ETV1: variants seen among roughly 807,000 people sequenced by gnomAD.
ETV1 encodes ETS translocation variant 1.
In ETV1, 27 loss-of-function variants were observed where a neutral mutation model predicts 62.3. The ratio of observed to expected loss-of-function variants is 0.43; its 90% CI spans 0.32 to 0.60. The LOEUF (loss-of-function observed/expected upper bound fraction) is 0.60. Ranked by LOEUF, ETV1 falls within the 20% of genes least tolerant of loss-of-function variation. The pLI, the probability that ETV1 is intolerant of heterozygous loss-of-function variation, is 0.06. For synonymous variants in ETV1, 222 were observed against 199.6 expected, an observed-to-expected ratio of 1.11 and a Z score of -0.94; for missense variants, 605 against 605.8, an observed-to-expected ratio of 1.00 and a Z score of 0.01.
chr7:13,923,030 T>C lies in ETV1; in HGVS notation c.802+8472A>G, dbSNP rs75337408. Among the ~76,000 whole-genome samples the C allele has an allele frequency of 3.0e-4, 45 of 152,340 alleles. 1 individual carries two copies. The East Asian group carries it at 7.7e-3, about 26-fold the overall frequency. ...TGAGTAGTAGTAATAAATGCAATAG[T>C]AATAGTTTAGAAATAAATGACTGGG... On this transcript the variant is annotated intron_variant, in intron 9 of 13. Coordinates refer to ENST00000430479, the MANE Select transcript of ETV1 (RefSeq NM_004956.5).
At chr7:13,953,715 C>T (rs1388995722) in intron 6 of ETV1, among the ~76,000 whole-genome samples, 2 of 151,866 alleles carry the variant, frequency 1.3e-5, no homozygotes, top group South Asian at 4.2e-4. Context: ...TTCCTTCTAC[C>T]CTGCATCCCC....
chr7:13,961,890 T>G (rs535565912), intron 6 of ETV1, among the ~76,000 whole-genome samples: 4 of 152,140 alleles, frequency 2.6e-5, no homozygotes, highest in African/African-American at 4.8e-5. Context: ...AACTACTTAG[T>G]GTGATCAACA....
intron 5 of ETV1, among the ~76,000 whole-genome samples, chr7:13,985,865 T>C (rs1431179865): frequency 6.6e-6 from 1 of 152,174 alleles, no homozygotes; most frequent in Non-Finnish European, 1.5e-5. Context: ...CTCATTTTCC[T>C]ATAAAGTTGC....
intron 9 of ETV1, among the ~76,000 whole-genome samples, chr7:13,915,740 G>A (rs1784082612): frequency 6.6e-6 from 1 of 151,632 alleles, no homozygotes; most frequent in African/African-American, 2.4e-5. Context: ...TTCCTAGAAT[G>A]AATGATAATG....
At chr7:13,928,476 T>A (rs1785696015) in intron 9 of ETV1, among the ~76,000 whole-genome samples, 1 of 151,592 alleles carries the variant, frequency 6.6e-6, no homozygotes, top group African/African-American at 2.4e-5. Flanking sequence ...TAGCCGGGCA[T>A]GGTGGCGCAT....
chr7:13,902,854 A>T (rs895258643), intron 12 of ETV1, among the ~76,000 whole-genome samples: 1 of 152,218 alleles, frequency 6.6e-6, no homozygotes, highest in African/African-American at 2.4e-5. Flanking sequence ...TTTGATACTT[A>T]TCATGCCAGT....
At chr7:13,960,227 T>C (rs957061025) in intron 6 of ETV1, among the ~76,000 whole-genome samples, 11 of 152,288 alleles carry the variant, frequency 7.2e-5, no homozygotes, top group Admixed American at 5.9e-4. Context: ...ACCAACTCTT[T>C]CATGGCTAAA....
At chr7:13,915,410 T>C (rs1052622974) in intron 9 of ETV1, among the ~76,000 whole-genome samples, 2 of 152,198 alleles carry the variant, frequency 1.3e-5, no homozygotes, top group African/African-American at 2.4e-5. Flanking sequence ...ATGTAAAAAA[T>C]ACTGAGTTGT....
At chr7:13,986,358 G>T (rs1782550180) in intron 5 of ETV1, 3 of 1,488,396 alleles carry the variant, frequency 2.0e-6, no homozygotes, top group Non-Finnish European at 2.7e-6. Flanking sequence ...CTGAACAGAG[G>T]CTTAGAACTT....
intron 6 of ETV1, among the ~76,000 whole-genome samples, chr7:13,960,914 G>A (rs1359043775): frequency 6.6e-6 from 1 of 152,152 alleles, no homozygotes; most frequent in Non-Finnish European, 1.5e-5. Context: ...ACTTTGTGAG[G>A]AAGGATCACT....
chr7:13,917,288 G>GTATTTATTTATTTATT (rs71548060), intron 9 of ETV1, among the ~76,000 whole-genome samples: 2 of 145,180 alleles, frequency 1.4e-5, no homozygotes, highest in South Asian at 2.3e-4. Context: ...GTAACTTTGA[G>GTATTTATTTATTTATT]TATTTATTTA....
At chr7:13,981,532 C>CAT (rs536635563) in intron 5 of ETV1, among the ~76,000 whole-genome samples, 52 of 59,084 alleles carry the variant, frequency 8.8e-4, no homozygotes, top group African/African-American at 2.3e-3. Context: ...TACATACATA[C>CAT]ATATATATAT....
intron 9 of ETV1, among the ~76,000 whole-genome samples, chr7:13,916,723 G>C (rs1257924491): frequency 2.6e-5 from 4 of 152,124 alleles, no homozygotes; most frequent in Non-Finnish European, 4.4e-5. Context: ...GAGCCCAGGA[G>C]TTCAAGACCA....
chr7:13,917,348 G>A (rs369973912), intron 9 of ETV1, among the ~76,000 whole-genome samples: 18 of 149,340 alleles, frequency 1.2e-4, no homozygotes, highest in African/African-American at 2.7e-4. Context: ...ACGGAGTTTC[G>A]CTCTTGTTGC....
chr7:13,908,470 T>C (rs1034879084), intron 11 of ETV1, among the ~76,000 whole-genome samples: 2 of 152,154 alleles, frequency 1.3e-5, no homozygotes, highest in Non-Finnish European at 1.5e-5. Context: ...GAAAATGCTA[T>C]ATTTTAAGAA....
intron 5 of ETV1, 128 bp downstream of exon 5, chr7:13,986,510 A>G (rs1782566159): frequency 6.5e-7 from 1 of 1,539,624 alleles, no homozygotes; most frequent in Admixed American, 2.3e-5. Flanking sequence ...TAATGTATGC[A>G]TGACACATGA....
intron 8 of ETV1, among the ~76,000 whole-genome samples, chr7:13,933,601 G>C (rs1033097215): frequency 5.9e-5 from 9 of 152,190 alleles, no homozygotes; most frequent in Non-Finnish European, 1.3e-4. Flanking sequence ...GAAGTGGGGT[G>C]CCTGGCTGGA....
In ETV1 at chr7:13,943,862, A is replaced by G. The variant is rs75931672; in HGVS notation, c.236-4616T>C. ...TTTGCATTATAATGAATGTATATCA[A>G]TATAAAGTTTAAAAAACTCTGAGGG... is the stretch of plus-strand genomic sequence containing the variant. On this transcript the variant is annotated intron_variant, in intron 6 of 13. Transcript: ENST00000430479. Among the ~76,000 whole-genome samples the G allele has an allele frequency of 2.8e-3, 431 of 152,332 alleles. 9 individuals are homozygous for G. In the East Asian group the frequency reaches 0.057, roughly 20 times the overall value.
At chr7:13,908,618 A>G (rs59964264) in intron 11 of ETV1, among the ~76,000 whole-genome samples, 1 of 152,088 alleles carries the variant, frequency 6.6e-6, no homozygotes, top group African/African-American at 2.4e-5. Flanking sequence ...TGAATTTAGA[A>G]ATCTAAAGGA....
Sources: gnomAD v4.1 joint callset for allele counts (sites outside exome capture counted in the v4.1 genomes callset) on GRCh38, gnomAD v4.1.1 for gene constraint, MANE v1.5 for transcripts, NCBI Gene and HGNC (gene_info 2026-07-23, HGNC 2026-07-21) for gene names.